The following VWA3B variants were observed in gnomAD, a reference collection of about 807,000 sequenced individuals.
VWA3B encodes the protein von Willebrand factor A domain containing 3B, also known as von Willebrand factor A domain-containing protein 3B.
VWA3B carries 138 observed loss-of-function variants against 158.3 expected under a neutral mutation model. The observed-to-expected ratio is 0.87, with a 90% CI of 0.76 to 1.00. The LOEUF (loss-of-function observed/expected upper bound fraction) is 1.00. VWA3B is among the 50% of genes least tolerant of loss of function. The probability of loss-of-function intolerance (pLI) is 0.00; values close to 1 mark genes in which losing one functional copy is unlikely to be tolerated. For missense variants in VWA3B, 1,555 were observed against 1,565.1 expected, an observed-to-expected ratio of 0.99 and a Z score of 0.11; for synonymous variants, 596 against 587.3, an observed-to-expected ratio of 1.01 and a Z score of -0.21.
At chr2:98,229,381 G>A (rs549189786) in intron 15 of VWA3B, among the ~76,000 whole-genome samples, 5 of 152,240 alleles carry the variant, frequency 3.3e-5, no homozygotes, top group East Asian at 1.9e-4. Flanking sequence ...CCACGGAGGC[G>A]TCGAGGGGCA....
At chr2:98,131,453 G>A (rs972090791) in intron 6 of VWA3B, among the ~76,000 whole-genome samples, 1 of 152,142 alleles carries the variant, frequency 6.6e-6, no homozygotes, top group Non-Finnish European at 1.5e-5. Context: ...CCTTTTCTTT[G>A]GGTAAATACC....
At chr2:98,289,354 G>A (rs1462052304) in intron 22 of VWA3B, among the ~76,000 whole-genome samples, 1 of 152,140 alleles carries the variant, frequency 6.6e-6, no homozygotes, top group Non-Finnish European at 1.5e-5. Context: ...ACTTCCTAAT[G>A]TAGGATGAAT....
At chr2:98,311,705 T>G in intron 26 of VWA3B, 114 bp from the exon 27 acceptor site, 2 of 1,252,940 alleles carry the variant, frequency 1.6e-6, no homozygotes, top group Non-Finnish European at 2.2e-6. Flanking sequence ...CTCCTTTCCA[T>G]GGGAAGAGGG....
chr2:98,094,688 A>G (rs1194891666), intron 2 of VWA3B, among the ~76,000 whole-genome samples: 2 of 152,156 alleles, frequency 1.3e-5, no homozygotes, highest in African/African-American at 4.8e-5. Flanking sequence ...CATATCCAAA[A>G]AATCATCACC....
At chr2:98,136,599 G>C (rs1219388093) in intron 7 of VWA3B, among the ~76,000 whole-genome samples, 2 of 140,998 alleles carry the variant, frequency 1.4e-5, no homozygotes, top group Non-Finnish European at 3.0e-5. Flanking sequence ...GAGATGAAAG[G>C]GCCAAAAAAA....
At chr2:98,273,497 C>T (rs2105895563) in intron 22 of VWA3B, among the ~76,000 whole-genome samples, 1 of 152,338 alleles carries the variant, frequency 6.6e-6, no homozygotes, top group South Asian at 2.1e-4. Context: ...ATTTCTCTGT[C>T]GATTTACCTT....
intron 2 of VWA3B, among the ~76,000 whole-genome samples, chr2:98,105,748 C>G (rs975029313): frequency 2.7e-5 from 4 of 150,470 alleles, no homozygotes; most frequent in Non-Finnish European, 4.4e-5. Flanking sequence ...CACACACACA[C>G]AAAAGCAAAT....
intron 8 of VWA3B, among the ~76,000 whole-genome samples, chr2:98,163,694 G>A (rs1240141821): frequency 2.0e-5 from 3 of 152,174 alleles, no homozygotes; most frequent in Non-Finnish European, 4.4e-5. Context: ...GGACGCCAGT[G>A]GATGGAAAAT....
intron 8 of VWA3B, among the ~76,000 whole-genome samples, chr2:98,168,142 AACTG>A (rs1056730630): frequency 2.0e-5 from 3 of 152,174 alleles, no homozygotes; most frequent in Non-Finnish European, 2.9e-5. Context: ...AATCAATCAA[AACTG>A]ACTGAGAACT....
chr2:98,250,971 G>A (rs921233989), intron 20 of VWA3B, among the ~76,000 whole-genome samples: 3 of 152,044 alleles, frequency 2.0e-5, no homozygotes, highest in Non-Finnish European at 4.4e-5. Context: ...GTGGTGGTGC[G>A]TGCCTGTAGT....
intron 22 of VWA3B, among the ~76,000 whole-genome samples, chr2:98,275,379 T>A (rs1409840892): frequency 6.6e-6 from 1 of 151,134 alleles, no homozygotes; most frequent in Non-Finnish European, 1.5e-5. Context: ...GAGGCCAGAG[T>A]TAAGGAGATA....
At chr2:98,140,580 G>A (rs929238367) in intron 7 of VWA3B, among the ~76,000 whole-genome samples, 2 of 152,280 alleles carry the variant, frequency 1.3e-5, no homozygotes, top group Non-Finnish European at 2.9e-5. Context: ...TCTGTGTGAA[G>A]GTATTCCTGC....
intron 5 of VWA3B, chr2:98,121,844 A>C (rs189699433): frequency 5.5e-6 from 1 of 182,174 alleles, no homozygotes; most frequent in Non-Finnish European, 1.2e-5. Flanking sequence ...CAGTCAGTCT[A>C]TCTCTTATGA....
intron 16 of VWA3B, among the ~76,000 whole-genome samples, chr2:98,232,635 G>A (rs1192758636): frequency 2.0e-5 from 3 of 152,182 alleles, no homozygotes; most frequent in East Asian, 1.9e-4. Context: ...TAGGAACTCT[G>A]CATCTCATTT....
intron 12 of VWA3B, among the ~76,000 whole-genome samples, chr2:98,208,389 C>T (rs545528552): frequency 6.6e-6 from 1 of 152,084 alleles, no homozygotes; most frequent in African/African-American, 2.4e-5. Flanking sequence ...TTAAGTGTCT[C>T]ATTTTATTTA....
chr2:98,203,252 G>A (rs1447589965), intron 12 of VWA3B, among the ~76,000 whole-genome samples: 1 of 152,194 alleles, frequency 6.6e-6, no homozygotes, highest in Non-Finnish European at 1.5e-5. Context: ...TATGTCTGCA[G>A]GTCTTTGTAT....
chr2:98,220,305 G>A (rs1252092544), intron 14 of VWA3B, among the ~76,000 whole-genome samples: 1 of 151,962 alleles, frequency 6.6e-6, no homozygotes, highest in Non-Finnish European at 1.5e-5. Context: ...TCTATGCTAA[G>A]GAATAAAAAG....
intron 1 of VWA3B, among the ~76,000 whole-genome samples, chr2:98,088,245 G>A (rs1042402316): frequency 1.3e-5 from 2 of 152,182 alleles, no homozygotes; most frequent in African/African-American, 4.8e-5. Context: ...ACTAACAGGG[G>A]TATAGGAAGT....
chr2:98,144,236 C>T (rs1368693941), intron 7 of VWA3B, among the ~76,000 whole-genome samples: 1 of 152,090 alleles, frequency 6.6e-6, no homozygotes, highest in Non-Finnish European at 1.5e-5. Context: ...GTCTCTAGCA[C>T]ACAGTTAACC....
Sources: gnomAD v4.1 joint callset for allele counts (sites outside exome capture counted in the v4.1 genomes callset) on GRCh38, gnomAD v4.1.1 for gene constraint, MANE v1.5 for transcripts, NCBI Gene and HGNC (gene_info 2026-07-23, HGNC 2026-07-21) for gene names.